The following KSR2 variants were observed in gnomAD, a reference collection of about 807,000 sequenced individuals.
KSR2 encodes the protein kinase suppressor of ras 2.
Under a neutral mutation model 107.8 loss-of-function variants are expected in KSR2, and 25 were observed. That is an observed-to-expected ratio of 0.23 (90% CI 0.17 to 0.32). KSR2 has a LOEUF of 0.32. KSR2 is among the 10% of genes least tolerant of loss of function. KSR2 has a pLI of 1.00. For missense variants in KSR2, 887 were observed against 1,268.9 expected, an observed-to-expected ratio of 0.70 and a Z score of 4.57; for synonymous variants, 480 against 507.0, an observed-to-expected ratio of 0.95 and a Z score of 0.71.
At chr12:117,550,462 C>T (rs1382977926) in intron 9 of KSR2, among the ~76,000 whole-genome samples, 1 of 152,204 alleles carries the variant, frequency 6.6e-6, no homozygotes, top group South Asian at 2.1e-4. Flanking sequence ...CCTAAACAGA[C>T]ACACTTGTCT....
chr12:117,948,699 A>G (rs985801165), intron 1 of KSR2, among the ~76,000 whole-genome samples: 1 of 152,214 alleles, frequency 6.6e-6, no homozygotes, highest in Non-Finnish European at 1.5e-5. Flanking sequence ...TTGTACATTT[A>G]AATGCACACA....
At position 117,628,473 on chromosome 12, in the gene KSR2, T is replaced by C. The variant is rs564073763; in HGVS notation, c.1171+39001A>G. Among the ~76,000 whole-genome samples, 3 of 152,312 alleles carry C rather than the reference T, an allele frequency of 2.0e-5. No individual in the cohort carries two copies. The East Asian group carries it at 5.8e-4, about 29-fold the overall frequency. On this transcript the variant is annotated intron_variant, in intron 5 of 19. Transcript: ENST00000339824. Reference sequence around the variant, plus strand: ...GTCAGGTCCCTCAGCTGCAGGTCTGTTGGAGTTTGCTAGAGTTCTACTCCA... The same window carrying C: ...GTCAGGTCCCTCAGCTGCAGGTCTGCTGGAGTTTGCTAGAGTTCTACTCCA...
intron 3 of KSR2, among the ~76,000 whole-genome samples, chr12:117,824,904 G>A (rs1593273105): frequency 1.3e-5 from 2 of 151,626 alleles, no homozygotes; most frequent in Admixed American, 1.3e-4. Context: ...ACAAAGCTGG[G>A]AGCAGTGGCT....
chr12:117,819,415 C>T (rs12311127), intron 3 of KSR2, among the ~76,000 whole-genome samples: 6,790 of 152,238 alleles, frequency 0.045, 504 homozygotes, highest in African/African-American at 0.15. Context: ...CTGAGAGCCT[C>T]CTAGACCTGG....
rs1309971251 is a variant in KSR2, at chr12:117,582,358, G to A, written c.1173C>T (p.Asn391=). The change falls in exon 6 of 20, where the codon AAC becomes AAT. Residue 391 remains asparagine (N), a splice_region_variant and synonymous_variant. Coordinates refer to ENST00000339824, the MANE Select transcript of KSR2 (RefSeq NM_173598.6). The stretch of plus-strand genomic sequence containing the variant: ...GGGACCAGCGTGGCACTGACAGTGT[G>A]TCTACAGAGAGAAGAGAACAGCCTG... ...PVHTEANFSA[N]TLSVPRWSPQ... is the part of the protein sequence containing the mutation. 1.9e-6 allele frequency: 3 copies of A among 1,612,962 alleles called. No individual in the cohort carries two copies. The highest frequency in any genetic ancestry group is 3.3e-5 in the Admixed American group (2 of 59,998).
chr12:117,862,586 A>T (rs541208931), intron 1 of KSR2, among the ~76,000 whole-genome samples: 212 of 152,320 alleles, frequency 1.4e-3, no homozygotes, highest in African/African-American at 4.9e-3. Context: ...TGGAGGCTGC[A>T]GTGAGCCATG....
At chr12:117,477,831 T>C (rs950483828) in intron 16 of KSR2, among the ~76,000 whole-genome samples, 3 of 152,238 alleles carry the variant, frequency 2.0e-5, no homozygotes, top group Non-Finnish European at 4.4e-5. Flanking sequence ...CTTCCGCCAT[T>C]ATGAACAATG....
Position 117,667,623 on chromosome 12 carries a change from A to T in KSR2, c.1022T>A (p.Ile341Asn). 1 of 1,607,052 alleles carries T rather than the reference A, an allele frequency of 6.2e-7. No homozygotes were observed. Among genetic ancestry groups the T allele is most frequent in the Non-Finnish European group, 8.5e-7 (1 of 1,177,082 alleles). The change falls in exon 5 of 20, where the codon ATC (isoleucine) becomes AAC (asparagine). Residue 341 changes from isoleucine (I) to asparagine (N), a missense_variant. Coordinates refer to ENST00000339824, the MANE Select transcript of KSR2 (RefSeq NM_173598.6). ...KKKSKPLNLK[I>N]HSSVGSCENI... The stretch of plus-strand genomic sequence containing the variant: ...CTCGCAGCTGCCTACGCTGCTGTGG[A>T]TCTTGAGGTTCAAGGGTTTGCTCTT...
intron 14 of KSR2, among the ~76,000 whole-genome samples, chr12:117,520,003 C>G (rs1377083793): frequency 6.6e-6 from 1 of 152,142 alleles, no homozygotes; most frequent in Admixed American, 6.5e-5. Flanking sequence ...GGGGCCTCAG[C>G]CCTGAATTGT....
intron 3 of KSR2, among the ~76,000 whole-genome samples, chr12:117,765,106 T>C (rs1488348134): frequency 1.3e-5 from 2 of 152,242 alleles, no homozygotes; most frequent in Non-Finnish European, 2.9e-5. Context: ...TGAAGCTAAA[T>C]AGGTCTAAGA....
chr12:117,720,597 C>G (rs375907757), intron 4 of KSR2, among the ~76,000 whole-genome samples: 13 of 152,226 alleles, frequency 8.5e-5, no homozygotes, highest in Non-Finnish European at 1.5e-4. Context: ...AGTCTAAGTG[C>G]TTGTGTGCCA....
chr12:117,819,090 C>A (rs1891474352), intron 3 of KSR2, among the ~76,000 whole-genome samples: 1 of 152,068 alleles, frequency 6.6e-6, no homozygotes, highest in African/African-American at 2.4e-5. Flanking sequence ...ACCAAGAAAC[C>A]ATGAGCTCTA....
At chr12:117,837,621 A>T (rs189322169) in intron 3 of KSR2, among the ~76,000 whole-genome samples, 1 of 151,662 alleles carries the variant, frequency 6.6e-6, no homozygotes, top group Admixed American at 6.5e-5. Context: ...TCATGATGGC[A>T]CAAGGTCTTT....
At chr12:117,935,162 G>T (rs571986534) in intron 1 of KSR2, among the ~76,000 whole-genome samples, 4 of 151,836 alleles carry the variant, frequency 2.6e-5, no homozygotes, top group South Asian at 2.1e-4. Flanking sequence ...ACAGGGTCTT[G>T]TCTTGCTCTG....
At chr12:117,547,570 A>G (rs1032353250) in intron 9 of KSR2, among the ~76,000 whole-genome samples, 1 of 152,076 alleles carries the variant, frequency 6.6e-6, no homozygotes, top group Non-Finnish European at 1.5e-5. Flanking sequence ...ATGGGAGTCT[A>G]GACTCCCTAC....
At chr12:117,756,555 A>G (rs1005805970) in intron 4 of KSR2, among the ~76,000 whole-genome samples, 1 of 152,244 alleles carries the variant, frequency 6.6e-6, no homozygotes, top group Non-Finnish European at 1.5e-5. Context: ...TTGCTCATCG[A>G]CAATGCATGT....
chr12:117,967,895 C>A (rs549756746), intron 1 of KSR2, among the ~76,000 whole-genome samples, 181 bp downstream of exon 1: 16 of 152,158 alleles, frequency 1.1e-4, no homozygotes, highest in African/African-American at 3.4e-4. Context: ...CCAATGCAGG[C>A]TTTGCAAGGA....
chr12:117,766,826 C>G (rs1241243294), intron 3 of KSR2, among the ~76,000 whole-genome samples: 1 of 123,756 alleles, frequency 8.1e-6, no homozygotes, highest in Non-Finnish European at 1.6e-5. Flanking sequence ...AGATGAGGGA[C>G]GTGGGAGTTT....
intron 4 of KSR2, among the ~76,000 whole-genome samples, chr12:117,759,833 C>G (rs944640311): frequency 6.6e-6 from 1 of 152,226 alleles, no homozygotes; most frequent in African/African-American, 2.4e-5. Context: ...CCAGGTCGGG[C>G]ATGATGGCTC....
Sources: gnomAD v4.1 joint callset for allele counts (sites outside exome capture counted in the v4.1 genomes callset) on GRCh38, gnomAD v4.1.1 for gene constraint, MANE v1.5 for transcripts, NCBI Gene and HGNC (gene_info 2026-07-23, HGNC 2026-07-21) for gene names.